Variants in THSD7A observed in about 807,000 individuals in gnomAD.
The protein encoded by THSD7A is thrombospondin type-1 domain-containing protein 7A.
Under a neutral mutation model 231.3 loss-of-function variants are expected in THSD7A, and 96 were observed. That is an observed-to-expected ratio of 0.41 (90% CI 0.35 to 0.49). THSD7A has a LOEUF of 0.49. Ranked by LOEUF, THSD7A falls within the 20% of genes least tolerant of loss-of-function variation. The pLI is 0.05. For synonymous variants in THSD7A, 940 were observed against 743.3 expected (o/e 1.26, Z -4.30); for missense variants, 2,290 against 2,070.2 (o/e 1.11, Z -2.06).
chr7:11,567,973 A>G (rs1295528122), intron 4 of THSD7A, among the ~76,000 whole-genome samples: 1 of 152,076 alleles, frequency 6.6e-6, no homozygotes, highest in Non-Finnish European at 1.5e-5. Flanking sequence ...TATCTCACCT[A>G]TTTGAACTCT....
intron 1 of THSD7A, among the ~76,000 whole-genome samples, chr7:11,670,751 T>C (rs78558965): frequency 0.03 from 4,610 of 152,286 alleles, 232 homozygotes; most frequent in African/African-American, 0.11. Flanking sequence ...ATAAATCTAT[T>C]CAAAGATCTT....
At chr7:11,551,088 T>C (rs887143189) in intron 4 of THSD7A, among the ~76,000 whole-genome samples, 1 of 151,928 alleles carries the variant, frequency 6.6e-6, no homozygotes, top group Non-Finnish European at 1.5e-5. Flanking sequence ...CAAAAACCAA[T>C]ACGGAAAGGA....
chr7:11,575,604 G>C (rs1013324167), intron 4 of THSD7A, among the ~76,000 whole-genome samples: 1 of 152,190 alleles, frequency 6.6e-6, no homozygotes, highest in Non-Finnish European at 1.5e-5. Flanking sequence ...ACTTGTGTCA[G>C]GGGATATAAC....
At chr7:11,478,892 C>G (rs535509029) in intron 7 of THSD7A, among the ~76,000 whole-genome samples, 1 of 152,206 alleles carries the variant, frequency 6.6e-6, no homozygotes, top group South Asian at 2.1e-4. Context: ...TTATATTTCC[C>G]TCATTCGCCT....
rs374145502 is a variant in THSD7A, at chr7:11,424,568, C to A, written c.3383+128G>T. ...TTAGAGTTTTCTATGAGCACAGATT[C>A]CCTAAAAGCAAAACTGCAGACAATT... On this transcript the variant is annotated intron_variant, in intron 16 of 27. Coordinates refer to ENST00000423059, the MANE Select transcript of THSD7A (RefSeq NM_015204.3). The A allele has an allele frequency of 2.4e-4, 316 of 1,303,704 alleles. No individual in the cohort carries two copies. The Middle Eastern group carries it at 8.3e-3, about 34-fold the overall frequency. 80.8% of individuals were successfully genotyped at this position (1,303,704 alleles called of 1,614,324 possible).
At chr7:11,453,893 T>C (rs1162599656) in intron 11 of THSD7A, among the ~76,000 whole-genome samples, 2 of 152,030 alleles carry the variant, frequency 1.3e-5, no homozygotes, top group Admixed American at 6.6e-5. Context: ...ATATTTCTAA[T>C]GCAAATTTAA....
intron 6 of THSD7A, 147 bp downstream of exon 6, chr7:11,541,272 A>G: frequency 1.3e-6 from 1 of 759,760 alleles, no homozygotes; most frequent in Non-Finnish European, 2.2e-6. Flanking sequence ...AGACAGGGAA[A>G]GAGAGGGAGG....
intron 22 of THSD7A, among the ~76,000 whole-genome samples, chr7:11,405,177 T>G (rs1031462197): frequency 6.8e-6 from 1 of 147,788 alleles, no homozygotes; most frequent in Non-Finnish European, 1.5e-5. Context: ...TACGAAGGAA[T>G]AAGTAACTCG....
chr7:11,463,260 G>A (rs1055267155), intron 9 of THSD7A, among the ~76,000 whole-genome samples: 3 of 152,148 alleles, frequency 2.0e-5, no homozygotes, highest in Non-Finnish European at 4.4e-5. Flanking sequence ...TTCAGTCAAA[G>A]ATATTCTTCA....
rs568743326 is a variant in THSD7A at position 11,663,133 on chromosome 7, A to C, written c.191-26172T>G. Among the ~76,000 whole-genome samples the C allele has an allele frequency of 2.0e-5, 3 of 151,512 alleles. No homozygotes were observed. In the Admixed American group the frequency reaches 2.0e-4, roughly 10 times the overall value. ...TATTTTAAAAGACTGATATTCATAA[A>C]TCTAATTGATAACTACTAATATAAA... On this transcript the variant is annotated intron_variant, in intron 1 of 27. Transcript: ENST00000423059.
chr7:11,488,902 G>C (rs1404269300), intron 6 of THSD7A, among the ~76,000 whole-genome samples: 1 of 151,988 alleles, frequency 6.6e-6, no homozygotes, highest in Non-Finnish European at 1.5e-5. Context: ...CTTCATGCCT[G>C]GTGTCCCCAT....
intron 6 of THSD7A, among the ~76,000 whole-genome samples, chr7:11,486,020 C>T (rs1216730981): frequency 6.6e-6 from 1 of 152,148 alleles, no homozygotes; most frequent in East Asian, 1.9e-4. Context: ...GCATTCCAGG[C>T]ATAAGTCATC....
intron 1 of THSD7A, among the ~76,000 whole-genome samples, chr7:11,816,161 A>C (rs1562575306): frequency 6.6e-6 from 1 of 152,082 alleles, no homozygotes; most frequent in African/African-American, 2.4e-5. Context: ...AGGATAGAGA[A>C]CTCCATGCTA....
intron 1 of THSD7A, among the ~76,000 whole-genome samples, chr7:11,779,319 C>T (rs1296472409): frequency 2.0e-5 from 3 of 152,222 alleles, no homozygotes; most frequent in Non-Finnish European, 4.4e-5. Context: ...CCTCACTCTT[C>T]CTTTCATTCA....
intron 1 of THSD7A, among the ~76,000 whole-genome samples, chr7:11,807,162 T>G (rs1306397326): frequency 6.6e-6 from 1 of 152,058 alleles, no homozygotes; most frequent in African/African-American, 2.4e-5. Flanking sequence ...GTAGAATCTG[T>G]GTATTCCTTA....
At position 11,629,407 on chromosome 7, in the gene THSD7A, G is replaced by A. The variant is rs144052630; in HGVS notation, c.1022+6723C>T. 4.8e-3 allele frequency among the ~76,000 whole-genome samples: 732 copies of A among 152,268 alleles called. 3 individuals are homozygous for A. The highest frequency in any genetic ancestry group is 5.9e-3 in the Non-Finnish European group (401 of 68,026). On this transcript the variant is annotated intron_variant, in intron 2 of 27. Coordinates refer to ENST00000423059, the MANE Select transcript of THSD7A (RefSeq NM_015204.3). ...CAACAGGCAGCCGAGGCAAGCTTGCGAGACGTGATGATGAGTATCTGGCGG... is the reference window on the plus strand; with the variant it reads ...CAACAGGCAGCCGAGGCAAGCTTGCAAGACGTGATGATGAGTATCTGGCGG...
At chr7:11,432,780 G>T (rs565249246) in intron 13 of THSD7A, among the ~76,000 whole-genome samples, 1 of 151,936 alleles carries the variant, frequency 6.6e-6, no homozygotes, top group African/African-American at 2.4e-5. Flanking sequence ...GAATATTCTA[G>T]AATGTGTCTT....
chr7:11,489,535 G>A (rs998413485), intron 6 of THSD7A, among the ~76,000 whole-genome samples: 6 of 152,056 alleles, frequency 3.9e-5, no homozygotes, highest in African/African-American at 1.2e-4. Flanking sequence ...AACATTGAGG[G>A]AAATAGTGCT....
At chr7:11,797,210 A>C (rs1225610634) in intron 1 of THSD7A, among the ~76,000 whole-genome samples, 1 of 152,118 alleles carries the variant, frequency 6.6e-6, no homozygotes, top group Non-Finnish European at 1.5e-5. Flanking sequence ...AGAAATACAA[A>C]AGTTTGCTTT....
Sources: allele counts gnomAD v4.1 joint callset (sites outside exome capture counted in the v4.1 genomes callset), GRCh38; gene constraint gnomAD v4.1.1; transcripts MANE v1.5; gene names NCBI Gene and HGNC (gene_info 2026-07-23, HGNC 2026-07-21).